BRF1: variants seen among roughly 807,000 people sequenced by gnomAD.
The protein encoded by BRF1 is transcription factor IIIB 90 kDa subunit.
A neutral mutation model predicts 81.7 loss-of-function variants in BRF1; 59 were observed. The ratio of observed to expected loss-of-function variants is 0.72; its 90% confidence interval spans 0.59 to 0.90. BRF1 has a LOEUF of 0.90. BRF1 is among the 40% of genes least tolerant of loss of function. The pLI, the probability that BRF1 is intolerant of heterozygous loss-of-function variation, is 0.00. For missense variants in BRF1, 1,050 were observed against 936.3 expected, an observed-to-expected ratio of 1.12 and a Z score of -1.58; for synonymous variants, 491 against 395.6, an observed-to-expected ratio of 1.24 and a Z score of -2.86.
intron 1 of BRF1, among the ~76,000 whole-genome samples, chr14:105,289,447 G>T (rs970749579): frequency 2.0e-5 from 3 of 152,182 alleles, no homozygotes; most frequent in African/African-American, 7.2e-5. Flanking sequence ...GCTGATATGA[G>T]AATCCAGAAG....
At position 105,252,500 on chromosome 14, in the gene BRF1, T is replaced by C. The variant is rs587727125; in HGVS notation, c.544+7A>G. 2.2e-5 allele frequency: 35 copies of C among 1,613,384 alleles called. No homozygotes were observed. The South Asian group carries it at 3.6e-4, about 17-fold the overall frequency. On this transcript the variant is annotated splice_region_variant and intron_variant, in intron 5 of 17. Coordinates refer to ENST00000547530, the MANE Select transcript of BRF1 (RefSeq NM_001519.4). ...CGGACACCCCAGCATCTCACCCAGA[T>C]GCCTACCTATGGCCGGCGCATTGAT...
chr14:105,244,889 G>T (rs191221851), intron 5 of BRF1, among the ~76,000 whole-genome samples: 45 of 150,748 alleles, frequency 3.0e-4, no homozygotes, highest in Non-Finnish European at 2.9e-5. Context: ...ATAGAACAAA[G>T]AAACCCTCAA....
At chr14:105,249,072 A>G in intron 5 of BRF1, 1 of 1,367,790 alleles carries the variant, frequency 7.3e-7, no homozygotes, top group Non-Finnish European at 9.3e-7. Flanking sequence ...CTGCCGCCCC[A>G]CGCTGCGCGA....
At chr14:105,266,341 A>G (rs1355587335) in intron 3 of BRF1, among the ~76,000 whole-genome samples, 1 of 152,136 alleles carries the variant, frequency 6.6e-6, no homozygotes. Flanking sequence ...TGAGCCAGGG[A>G]GTTGGAGGTT....
chr14:105,310,812 C>T (rs185955401), intron 1 of BRF1, among the ~76,000 whole-genome samples: 3 of 152,296 alleles, frequency 2.0e-5, no homozygotes, highest in Admixed American at 1.3e-4. Flanking sequence ...TCAATGGAAT[C>T]CCCATCACAC....
chr14:105,314,249 C>T (rs1439983452), intron 1 of BRF1, among the ~76,000 whole-genome samples: 2 of 148,924 alleles, frequency 1.3e-5, no homozygotes, highest in African/African-American at 4.9e-5. Context: ...CGGGGGTCGG[C>T]AGGAGACAAG....
intron 2 of BRF1, 131 bp downstream of exon 2, chr14:105,286,165 T>G (rs1368668155): frequency 1.9e-6 from 2 of 1,035,646 alleles, no homozygotes; most frequent in Non-Finnish European, 2.9e-6. Flanking sequence ...CAGCCTGGGC[T>G]GGGCGTGCAG....
At chr14:105,292,310 A>C (rs1160940418) in intron 1 of BRF1, among the ~76,000 whole-genome samples, 1 of 152,044 alleles carries the variant, frequency 6.6e-6, no homozygotes, top group Non-Finnish European at 1.5e-5. Flanking sequence ...CAGTCTCCCA[A>C]GTAGCTGGGA....
chr14:105,251,602 A>G (rs769938279), intron 5 of BRF1, among the ~76,000 whole-genome samples: 1 of 152,174 alleles, frequency 6.6e-6, no homozygotes, highest in Non-Finnish European at 1.5e-5. Context: ...GGCCGAGTGT[A>G]TAGCCTCAGC....
At chr14:105,220,303 T>C (rs1892072429) in intron 11 of BRF1, among the ~76,000 whole-genome samples, 173 bp from the exon 12 acceptor site, 1 of 152,174 alleles carries the variant, frequency 6.6e-6, no homozygotes, top group African/African-American at 2.4e-5. Context: ...CGCACCTCTT[T>C]AAATGCCTAG....
intron 2 of BRF1, among the ~76,000 whole-genome samples, chr14:105,283,619 A>C (rs2057200887): frequency 6.6e-6 from 1 of 152,206 alleles, no homozygotes; most frequent in Non-Finnish European, 1.5e-5. Context: ...GCTTTTGAAA[A>C]GGTAAGATGA....
rs1046367589 is a variant in BRF1, at chr14:105,271,397, T to C, written c.439+1324A>G. The stretch of plus-strand genomic sequence containing the variant: ...GCCAGAGGGCCACAGAACTGCCCAG[T>C]GAGAATGCTGGAGGCAAGGCGACGG... On this transcript the variant is annotated intron_variant, in intron 3 of 17. Coordinates refer to ENST00000547530, the MANE Select transcript of BRF1 (RefSeq NM_001519.4). This position sits in a 1 kb window ranked among gnomAD's most constrained non-coding sequence, Gnocchi z 5.5. 6.6e-5 allele frequency among the ~76,000 whole-genome samples: 10 copies of C among 151,924 alleles called. No individual in the cohort carries two copies. In the East Asian group the frequency reaches 1.9e-3, roughly 29 times the overall value.
At chr14:105,256,388 C>T (rs202141924) in intron 4 of BRF1, 130 bp downstream of exon 4, 827 of 1,602,922 alleles carry the variant, frequency 5.2e-4, no homozygotes, top group South Asian at 1.7e-3. Flanking sequence ...AACTTCCTGA[C>T]TGGGCAGGCA....
chr14:105,313,645 C>T (rs2058417823), intron 1 of BRF1, among the ~76,000 whole-genome samples: 1 of 152,210 alleles, frequency 6.6e-6, no homozygotes, highest in Non-Finnish European at 1.5e-5. Context: ...CCCCGTGGGC[C>T]AGGAAAGAAA....
At chr14:105,251,256 T>G (rs1375763509) in intron 5 of BRF1, among the ~76,000 whole-genome samples, 2 of 152,110 alleles carry the variant, frequency 1.3e-5, no homozygotes, top group Non-Finnish European at 2.9e-5. Flanking sequence ...GTCCCCTGGG[T>G]TGCTGGCTGG....
chr14:105,221,607 C>T (rs1892297492), intron 11 of BRF1, 41 bp downstream of exon 11: 1 of 1,584,652 alleles, frequency 6.3e-7, no homozygotes, highest in Admixed American at 2.0e-5. Flanking sequence ...GAAAGATCTC[C>T]CGATGACCTC....
At chr14:105,257,681 C>A (rs1346690870) in intron 3 of BRF1, among the ~76,000 whole-genome samples, 1 of 152,136 alleles carries the variant, frequency 6.6e-6, no homozygotes, top group Non-Finnish European at 1.5e-5. Context: ...AGAAGACCGG[C>A]GGCAGGGGTG....
At chr14:105,240,841 G>A (rs1226851740) in intron 6 of BRF1, among the ~76,000 whole-genome samples, 3 of 109,480 alleles carry the variant, frequency 2.7e-5, no homozygotes, top group Middle Eastern at 4.2e-3. Context: ...ACCACTATCC[G>A]CGTAGTCGCC....
At position 105,254,664 on chromosome 14, in the gene BRF1, C is replaced by T. The variant is rs781354407; in HGVS notation, c.471+1854G>A. Among the ~76,000 whole-genome samples the T allele has an allele frequency of 5.3e-5, 8 of 152,124 alleles. No homozygotes were observed. The East Asian group carries it at 7.7e-4, about 15-fold the overall frequency. ...GCAACCTCCACCTCAAGGGTTCAAG[C>T]GATTCTCCTGTCTCACCCTCCTAAG... On this transcript the variant is annotated intron_variant, in intron 4 of 17. Coordinates refer to ENST00000547530, the MANE Select transcript of BRF1 (RefSeq NM_001519.4).
Sources: gnomAD v4.1 joint callset for allele counts (sites outside exome capture counted in the v4.1 genomes callset) on GRCh38, gnomAD v4.1.1 for gene constraint, Gnocchi (gnomAD v3.1) non-coding constraint, MANE v1.5 for transcripts, NCBI Gene and HGNC (gene_info 2026-07-23, HGNC 2026-07-21) for gene names.